CACHD1: variants seen among roughly 807,000 people sequenced by gnomAD.
The protein encoded by CACHD1 is VWFA and cache domain-containing protein 1.
CACHD1 carries 71 observed loss-of-function variants against 138.7 expected under a neutral mutation model. The ratio of observed to expected loss-of-function variants is 0.51; its 90% CI spans 0.42 to 0.62. The LOEUF (loss-of-function observed/expected upper bound fraction) is 0.62, where lower values mean the gene tolerates loss of function less well. CACHD1 is among the 20% of genes least tolerant of loss of function. The pLI is 0.00. For synonymous variants in CACHD1, 578 were observed against 591.5 expected, an observed-to-expected ratio of 0.98 and a Z score of 0.33; for missense variants, 1,389 against 1,625.3, an observed-to-expected ratio of 0.85 and a Z score of 2.50.
Position 64,470,880 on chromosome 1 carries a change from C to G in CACHD1, c.136C>G (p.Gln46Glu), listed in dbSNP as rs1470352094. The G allele has an allele frequency of 6.2e-7, 1 of 1,607,758 alleles. No individual in the cohort carries two copies. Among genetic ancestry groups the G allele is most frequent in the South Asian group, 1.1e-5 (1 of 90,166 alleles). Residue 46 changes from glutamine (Q) to glutamate (E), a missense_variant, in exon 1 of 27, where the codon CAA (glutamine) becomes GAA (glutamate). Gln to Glu is a conservative substitution (Grantham distance 29, BLOSUM62 2). Around this residue, in one of 5 missense-constraint regions of CACHD1, gnomAD observed 1,000 missense variants for 1,114.7 expected, o/e 0.90. Transcript: ENST00000651257. This position sits in a 1 kb window ranked among gnomAD's most constrained non-coding sequence, Gnocchi z 5.2. ...CGACTTCTCCATCCTGGACGAGGCG[C>G]AAGTGCTGGCGAGCCAGATGCGGAG... Reference protein sequence around the residue: ...EADFSILDEAQVLASQMRRLA... With the variant: ...EADFSILDEAEVLASQMRRLA...
intron 1 of CACHD1, among the ~76,000 whole-genome samples, chr1:64,498,985 G>T (rs890936925): frequency 6.6e-6 from 1 of 152,220 alleles, no homozygotes; most frequent in Non-Finnish European, 1.5e-5. Context: ...TTATTAAATA[G>T]AACTGATTTC....
At chr1:64,682,300 T>A (rs1650218392) in intron 26 of CACHD1, among the ~76,000 whole-genome samples, 194 bp downstream of exon 26, 1 of 152,212 alleles carries the variant, frequency 6.6e-6, no homozygotes, top group South Asian at 2.1e-4. Flanking sequence ...CAAGTTTTTC[T>A]CCATACAGAA....
intron 1 of CACHD1, among the ~76,000 whole-genome samples, chr1:64,545,469 T>C (rs1646711344): frequency 6.6e-6 from 1 of 152,232 alleles, no homozygotes; most frequent in Non-Finnish European, 1.5e-5. Flanking sequence ...ATATACTTTG[T>C]ATGCTAGTGT....
intron 6 of CACHD1, among the ~76,000 whole-genome samples, chr1:64,633,036 G>T (rs1488007921): frequency 6.6e-6 from 1 of 152,136 alleles, no homozygotes; most frequent in East Asian, 1.9e-4. Context: ...AGAATTTATT[G>T]AATACAGTAC....
intron 1 of CACHD1, among the ~76,000 whole-genome samples, chr1:64,489,306 AC>A (rs1322744244): frequency 1.3e-5 from 2 of 152,066 alleles, no homozygotes; most frequent in Non-Finnish European, 2.9e-5. Flanking sequence ...AGGAATGCTT[AC>A]CTTTGTGGGC....
intron 1 of CACHD1, among the ~76,000 whole-genome samples, chr1:64,491,630 G>T (rs1264531181): frequency 1.3e-5 from 2 of 152,170 alleles, no homozygotes; most frequent in African/African-American, 2.4e-5. Flanking sequence ...ACAATTTGAT[G>T]TGAGACTTGG....
chr1:64,543,914 C>G (rs1242102296), intron 1 of CACHD1, among the ~76,000 whole-genome samples: 1 of 116,036 alleles, frequency 8.6e-6, no homozygotes, highest in Non-Finnish European at 1.6e-5. Context: ...TTCGCCATGT[C>G]AGCCATGTGA....
intron 1 of CACHD1, among the ~76,000 whole-genome samples, chr1:64,489,744 A>G (rs1451056130): frequency 3.3e-5 from 5 of 152,174 alleles, no homozygotes; most frequent in Non-Finnish European, 7.4e-5. Flanking sequence ...AGGATACATA[A>G]TGCTAAGTCT....
At chr1:64,614,294 G>A (rs1647635211) in intron 4 of CACHD1, among the ~76,000 whole-genome samples, 1 of 152,124 alleles carries the variant, frequency 6.6e-6, no homozygotes, top group Non-Finnish European at 1.5e-5. Context: ...CTGCCTATGT[G>A]TTGCTCTTCT....
chr1:64,664,825 A>G (rs951830099), intron 15 of CACHD1, 146 bp downstream of exon 15: 3 of 656,618 alleles, frequency 4.6e-6, no homozygotes, highest in Non-Finnish European at 7.3e-6. Flanking sequence ...TAGTTTTTTC[A>G]GTGCAGCATT....
intron 8 of CACHD1, among the ~76,000 whole-genome samples, chr1:64,645,479 A>G (rs1648873084): frequency 6.6e-6 from 1 of 152,190 alleles, no homozygotes; most frequent in Non-Finnish European, 1.5e-5. Flanking sequence ...ACCCATAAAA[A>G]TTAAATTTAA....
In CACHD1 at chr1:64,647,690, C is replaced by T. The variant is rs905746893; in HGVS notation, c.1157-111C>T. The T allele has an allele frequency of 6.0e-6, 5 of 836,490 alleles. No individual in the cohort carries two copies. The African/African-American group carries it at 8.5e-5, about 14-fold the overall frequency. 51.8% of individuals were successfully genotyped at this position (836,490 alleles called of 1,614,324 possible). On this transcript the variant is annotated intron_variant, in intron 8 of 26. Transcript: ENST00000651257. ...GTCTATGTGGTCTCTGCAAAAACCCCTTTGGTATTACAAGACCTCATCCAT... is the reference window on the plus strand; with the variant it reads ...GTCTATGTGGTCTCTGCAAAAACCCTTTTGGTATTACAAGACCTCATCCAT...
intron 2 of CACHD1, among the ~76,000 whole-genome samples, chr1:64,573,182 A>C (rs1446266638): frequency 6.6e-6 from 1 of 152,122 alleles, no homozygotes; most frequent in African/African-American, 2.4e-5. Flanking sequence ...TTGGGAAGTA[A>C]TTAGGGTTAG....
At chr1:64,545,401 T>C (rs184266512) in intron 1 of CACHD1, among the ~76,000 whole-genome samples, 3 of 152,202 alleles carry the variant, frequency 2.0e-5, no homozygotes, top group Non-Finnish European at 4.4e-5. Flanking sequence ...ACCACTATCC[T>C]GACTTTTAAC....
Position 64,634,189 on chromosome 1 carries a change from A to G in CACHD1, c.935A>G (p.Gln312Arg). 6.2e-7 allele frequency: 1 copy of G among 1,614,008 alleles called. No individual in the cohort carries two copies. The highest frequency in any genetic ancestry group is 8.5e-7 in the Non-Finnish European group (1 of 1,179,992). Residue 312 changes from glutamine (Q) to arginine (R), a missense_variant, in exon 7 of 27, where the codon CAG becomes CGG. Gln to Arg is a conservative substitution (Grantham distance 43). Around this residue, in one of 5 missense-constraint regions of CACHD1, gnomAD observed 1,000 missense variants for 1,114.7 expected, o/e 0.90. Coordinates refer to ENST00000651257, the MANE Select transcript of CACHD1 (RefSeq NM_020925.4). ...SSVKSSDSPT[Q>R]HAVGFQKAFQ... Reference sequence around the variant, plus strand: ...GTGAAGTCTTCAGACAGTCCTACCCAGCACGCAGTGGGATTCCAAAAGGCA... The same window carrying G: ...GTGAAGTCTTCAGACAGTCCTACCCGGCACGCAGTGGGATTCCAAAAGGCA...
chr1:64,553,825 T>C (rs1570360493), intron 2 of CACHD1, among the ~76,000 whole-genome samples: 1 of 152,360 alleles, frequency 6.6e-6, no homozygotes, highest in East Asian at 1.9e-4. Flanking sequence ...ATTTTGTGTT[T>C]GGCTATTTTT....
chr1:64,544,641 T>TC (rs1013223308), intron 1 of CACHD1, among the ~76,000 whole-genome samples: 8 of 151,814 alleles, frequency 5.3e-5, no homozygotes, highest in Non-Finnish European at 1.0e-4. Flanking sequence ...TTTTTTTTTT[T>TC]TCTTCCCCTT....
chr1:64,475,395 G>A (rs1337138725), intron 1 of CACHD1, among the ~76,000 whole-genome samples: 1 of 151,838 alleles, frequency 6.6e-6, no homozygotes, highest in Non-Finnish European at 1.5e-5. Context: ...TGAACTCCTG[G>A]CCTCAAGTGA....
chr1:64,635,380 A>ATTTTT (rs71056060), intron 7 of CACHD1, among the ~76,000 whole-genome samples: 1 of 91,844 alleles, frequency 1.1e-5, no homozygotes, highest in African/African-American at 3.7e-5. Flanking sequence ...CTCTAATTTA[A>ATTTTT]TTTTTTTTTT....
Sources: gnomAD v4.1 joint callset for allele counts (sites outside exome capture counted in the v4.1 genomes callset) on GRCh38, gnomAD v4.1.1 for gene constraint, gnomAD v4.1.1 regional missense constraint, Gnocchi (gnomAD v3.1) non-coding constraint, MANE v1.5 for transcripts, NCBI Gene and HGNC (gene_info 2026-07-23, HGNC 2026-07-21) for gene names.